ERC2: variants seen among roughly 807,000 people sequenced by gnomAD.
ERC2 encodes the protein ELKS/RAB6-interacting/CAST family member 2.
A neutral mutation model predicts 114.8 loss-of-function variants in ERC2; 42 were observed. That is an observed-to-expected ratio of 0.37 (90% CI 0.29 to 0.47). The LOEUF (loss-of-function observed/expected upper bound fraction) is 0.47. Among genes scored for constraint, ERC2 ranks in the 20% least tolerant of loss-of-function variants. The pLI, the probability that ERC2 is intolerant of heterozygous loss-of-function variation, is 0.99. For synonymous variants in ERC2, 454 were observed against 425.5 expected (o/e 1.07, Z -0.82); for missense variants, 939 against 1,150.7 (o/e 0.82, Z 2.66).
At chr3:55,684,326 A>G (rs1325008241) in intron 16 of ERC2, among the ~76,000 whole-genome samples, 1 of 151,964 alleles carries the variant, frequency 6.6e-6, no homozygotes, top group South Asian at 2.1e-4. Flanking sequence ...ACACACGCAC[A>G]CACACACACA....
At position 56,390,344 on chromosome 3, in the gene ERC2, C is replaced by A. The variant is rs535238540; in HGVS notation, c.657+44007G>T. Among the ~76,000 whole-genome samples the A allele has an allele frequency of 4.9e-4, 74 of 152,278 alleles. 2 individuals are homozygous for A. The South Asian group carries it at 0.011, about 23-fold the overall frequency. ...TTTCTATACCAAAAATAGAATTTCA[C>A]GACTTTCTTCTCCTAGCTTGCTTTT... On this transcript the variant is annotated intron_variant, in intron 2 of 17. Transcript: ENST00000288221.
intron 6 of ERC2, among the ~76,000 whole-genome samples, chr3:56,128,156 A>G (rs1275861291): frequency 3.3e-5 from 5 of 152,180 alleles, no homozygotes; most frequent in Admixed American, 2.6e-4. Flanking sequence ...TCTCCTATTC[A>G]TTAGGTACTT....
At chr3:56,434,032 G>C (rs2061909431) in intron 2 of ERC2, 1 of 327,720 alleles carries the variant, frequency 3.1e-6, no homozygotes, top group African/African-American at 2.1e-5. Context: ...AGGTACATCT[G>C]AACAGCTGTT....
chr3:56,309,695 G>A (rs536580566), intron 2 of ERC2, among the ~76,000 whole-genome samples: 1 of 152,134 alleles, frequency 6.6e-6, no homozygotes, highest in Non-Finnish European at 1.5e-5. Context: ...CTCACTACAG[G>A]GTTCATACAA....
intron 14 of ERC2, among the ~76,000 whole-genome samples, chr3:55,735,990 A>G (rs1211428177): frequency 1.3e-5 from 2 of 152,142 alleles, no homozygotes; most frequent in Non-Finnish European, 2.9e-5. Context: ...GAGCCAATCC[A>G]CTGACAACTT....
At chr3:56,299,191 G>A (rs554992269) in intron 2 of ERC2, among the ~76,000 whole-genome samples, 18 of 146,338 alleles carry the variant, frequency 1.2e-4, no homozygotes, top group Admixed American at 2.8e-4. Flanking sequence ...GCAGTGGCGC[G>A]ATCTTGGCTC....
At chr3:56,396,672 T>C (rs939023032) in intron 2 of ERC2, among the ~76,000 whole-genome samples, 1 of 152,224 alleles carries the variant, frequency 6.6e-6, no homozygotes, top group African/African-American at 2.4e-5. Context: ...TTTCAAGTTT[T>C]AGGGTTTTTT....
intron 17 of ERC2, among the ~76,000 whole-genome samples, chr3:55,515,717 G>A (rs910719809): frequency 6.6e-6 from 1 of 152,000 alleles, no homozygotes; most frequent in Non-Finnish European, 1.5e-5. Flanking sequence ...GGCGGGGTGG[G>A]TGACTGAGCA....
chr3:55,597,688 T>C (rs1353631357), intron 17 of ERC2, among the ~76,000 whole-genome samples: 1 of 152,178 alleles, frequency 6.6e-6, no homozygotes, highest in Non-Finnish European at 1.5e-5. Context: ...CCCCACCCTT[T>C]GAAATATAAT....
At chr3:55,743,555 T>A (rs1305239368) in intron 14 of ERC2, among the ~76,000 whole-genome samples, 1 of 137,470 alleles carries the variant, frequency 7.3e-6, no homozygotes, top group Non-Finnish European at 1.5e-5. Flanking sequence ...GCAGTGGACA[T>A]GTGTGAGGCA....
At chr3:56,118,238 T>C (rs144961559) in intron 6 of ERC2, among the ~76,000 whole-genome samples, 1 of 152,274 alleles carries the variant, frequency 6.6e-6, no homozygotes, top group African/African-American at 2.4e-5. Context: ...AATGCTCAGT[T>C]AATGGTAGTT....
chr3:55,703,252 C>T (rs2063318877), intron 15 of ERC2, among the ~76,000 whole-genome samples: 1 of 152,216 alleles, frequency 6.6e-6, no homozygotes. Context: ...GGGTCTTTGA[C>T]ATGCTTAGGC....
At position 55,807,013 on chromosome 3, in the gene ERC2, A is replaced by AGAG. The variant is rs368624489; in HGVS notation, c.2565-72098_2565-72096dup. Among the ~76,000 whole-genome samples, 12 of 152,336 alleles carry AGAG rather than the reference A, an allele frequency of 7.9e-5. 1 individual carries two copies. Among genetic ancestry groups the AGAG allele is most frequent in the South Asian group, 4.1e-4 (2 of 4,830 alleles). ...ACTAAAGAGGTAGAGGTGCTACTGA[A>AGAG]GAGATACATGATGGCTAAAGAAGCT... is the stretch of plus-strand genomic sequence containing the variant. On this transcript the variant is annotated intron_variant, in intron 14 of 17. Coordinates refer to ENST00000288221, the MANE Select transcript of ERC2 (RefSeq NM_015576.3).
chr3:56,218,748 A>G (rs1033996103), intron 3 of ERC2, among the ~76,000 whole-genome samples: 3 of 152,192 alleles, frequency 2.0e-5, no homozygotes, highest in African/African-American at 7.2e-5. Flanking sequence ...CCAAATGTCC[A>G]ACAATGATAG....
chr3:55,664,014 G>A (rs815472), intron 17 of ERC2, among the ~76,000 whole-genome samples: 142,045 of 152,320 alleles, frequency 0.93, 66,309 homozygotes, highest in East Asian at 1. Flanking sequence ...CTTTCATCAG[G>A]TTTTTATGTC....
intron 17 of ERC2, among the ~76,000 whole-genome samples, chr3:55,555,813 A>G (rs67240840): frequency 0.26 from 39,621 of 152,108 alleles, 5,275 homozygotes; most frequent in South Asian, 0.32. Context: ...TAGCTTTTCC[A>G]GTGCCCTCTC....
intron 6 of ERC2, among the ~76,000 whole-genome samples, chr3:56,118,764 G>C (rs537784384): frequency 6.6e-6 from 1 of 151,632 alleles, no homozygotes; most frequent in Admixed American, 6.6e-5. Context: ...AGCCTCCCGA[G>C]TAGCTGGGAC....
At chr3:55,978,300 A>G (rs1477912252) in intron 12 of ERC2, among the ~76,000 whole-genome samples, 1 of 152,202 alleles carries the variant, frequency 6.6e-6, no homozygotes, top group East Asian at 1.9e-4. Context: ...ATTAGTTTAC[A>G]TATTTATATA....
chr3:55,923,846 T>G (rs758855192), intron 13 of ERC2, among the ~76,000 whole-genome samples: 3 of 152,126 alleles, frequency 2.0e-5, no homozygotes, highest in Non-Finnish European at 4.4e-5. Flanking sequence ...CAGCACTGCC[T>G]TGCACTGAGT....
Sources: allele counts gnomAD v4.1 joint callset (sites outside exome capture counted in the v4.1 genomes callset), GRCh38; gene constraint gnomAD v4.1.1; transcripts MANE v1.5; gene names NCBI Gene and HGNC (gene_info 2026-07-23, HGNC 2026-07-21).